The following PAK4 variants were observed in gnomAD, a reference collection of about 807,000 sequenced individuals.
The protein encoded by PAK4 is p21 (RAC1) activated kinase 4.
In PAK4, 49 loss-of-function variants were observed where a neutral mutation model predicts 53.5. The observed-to-expected ratio is 0.92, with a 90% confidence interval of 0.73 to 1.16. The LOEUF (loss-of-function observed/expected upper bound fraction) is 1.16, where lower values mean the gene tolerates loss of function less well. Among genes scored for constraint, PAK4 ranks in the 50% most tolerant of loss-of-function variants. The pLI is 0.00. For synonymous variants in PAK4, 376 were observed against 375.6 expected (o/e 1.00, Z -0.01); for missense variants, 824 against 850.7 (o/e 0.97, Z 0.39).
At chr19:39,129,046 G>A (rs369438601) in intron 1 of PAK4, among the ~76,000 whole-genome samples, 160 of 152,266 alleles carry the variant, frequency 1.1e-3, no homozygotes, top group African/African-American at 3.8e-3. Flanking sequence ...CCATAAACAT[G>A]CCTTTCTGCA....
intron 1 of PAK4, among the ~76,000 whole-genome samples, chr19:39,138,484 A>G (rs959976979): frequency 6.6e-6 from 1 of 152,128 alleles, no homozygotes; most frequent in Admixed American, 6.5e-5. Flanking sequence ...ATGTCTCTCC[A>G]TTTGTTTATG....
rs2074552007 is a variant in PAK4, at chr19:39,174,083, T to TCCTCTCC, written c.1098+75_1098+81dup. On this transcript the variant is annotated intron_variant, in intron 4 of 8. Transcript: ENST00000358301. ...CTCCCACCCTCCCTCCCCTCCTCCC[T>TCCTCTCC]CCTCTCCCTGCACTCCTCCGTGCTG... The TCCTCTCC allele has an allele frequency of 4.9e-6, 4 of 817,774 alleles. No individual in the cohort carries two copies. The African/African-American group carries it at 1.1e-4, about 22-fold the overall frequency. 50.7% of individuals were successfully genotyped at this position (817,774 alleles called of 1,614,324 possible).
intron 1 of PAK4, among the ~76,000 whole-genome samples, chr19:39,148,076 C>T (rs576388871): frequency 1.3e-5 from 2 of 151,394 alleles, no homozygotes; most frequent in Non-Finnish European, 2.9e-5. Flanking sequence ...CTCAGCCTCC[C>T]GAGTAGCTGG....
intron 1 of PAK4, among the ~76,000 whole-genome samples, chr19:39,129,358 G>A (rs960297425): frequency 4.6e-5 from 7 of 152,032 alleles, no homozygotes; most frequent in Admixed American, 2.6e-4. Flanking sequence ...GAGGTGGTCC[G>A]TTGGAGCTAT....
chr19:39,136,755 T>TTGACTGAC (rs111308126), intron 1 of PAK4, among the ~76,000 whole-genome samples: 2 of 152,174 alleles, frequency 1.3e-5, no homozygotes, highest in Admixed American at 6.5e-5. Flanking sequence ...TAAATGCTGG[T>TTGACTGAC]TGACTGACTG....
intron 1 of PAK4, among the ~76,000 whole-genome samples, chr19:39,142,227 G>A (rs1333024074): frequency 1.3e-5 from 2 of 152,042 alleles, no homozygotes; most frequent in African/African-American, 2.4e-5. Flanking sequence ...TGCAGTCTGG[G>A]GCCAGCTGAT....
Position 39,176,583 on chromosome 19 carries a change from G to T in PAK4, c.1360-7G>T, listed in dbSNP as rs1450956743. 1 of 1,613,672 alleles carries T rather than the reference G, an allele frequency of 6.2e-7. No homozygotes were observed. Among genetic ancestry groups the T allele is most frequent in the Admixed American group, 1.7e-5 (1 of 60,026 alleles). ...CCTCTGACCCCACTGCCTCTGCCCTGTCCCAGGTGAAGCTGTCAGACTTTG... is the reference window on the plus strand; with the variant it reads ...CCTCTGACCCCACTGCCTCTGCCCTTTCCCAGGTGAAGCTGTCAGACTTTG... On this transcript the variant is annotated splice_polypyrimidine_tract_variant and splice_region_variant and intron_variant, in intron 6 of 8. Transcript: ENST00000358301.
chr19:39,155,679 G>C (rs2074167938), intron 1 of PAK4, among the ~76,000 whole-genome samples: 1 of 152,136 alleles, frequency 6.6e-6, no homozygotes, highest in African/African-American at 2.4e-5. Flanking sequence ...CGGGGGTTCT[G>C]ATCACATCAG....
intron 1 of PAK4, among the ~76,000 whole-genome samples, chr19:39,164,039 G>A (rs941178780): frequency 7.9e-5 from 12 of 152,200 alleles, no homozygotes; most frequent in Non-Finnish European, 1.6e-4. Flanking sequence ...CACTTTGGGA[G>A]GCTGAGGCAG....
intron 1 of PAK4, among the ~76,000 whole-genome samples, chr19:39,162,705 C>A (rs1487241376): frequency 6.6e-6 from 1 of 152,224 alleles, no homozygotes; most frequent in African/African-American, 2.4e-5. Flanking sequence ...CTGCCTCCTT[C>A]CTTCTAGAAT....
At position 39,155,174 on chromosome 19, in the gene PAK4, G is replaced by A. The variant is rs115979411; in HGVS notation, c.-22-14358G>A. Among the ~76,000 whole-genome samples, 743 of 152,304 alleles carry A rather than the reference G, an allele frequency of 4.9e-3. 6 individuals carry two copies. Among genetic ancestry groups the A allele is most frequent in the African/African-American group, 0.016 (682 of 41,568 alleles). On this transcript the variant is annotated intron_variant, in intron 1 of 8. Transcript: ENST00000358301. Reference sequence around the variant, plus strand: ...CCATCCTGGGTCCGGGCACCCAGCAGCCTTGGTCCCTACCGCCTACCAGAC... The same window carrying A: ...CCATCCTGGGTCCGGGCACCCAGCAACCTTGGTCCCTACCGCCTACCAGAC...
At chr19:39,159,009 G>T (rs2074240365) in intron 1 of PAK4, among the ~76,000 whole-genome samples, 1 of 152,220 alleles carries the variant, frequency 6.6e-6, no homozygotes, top group African/African-American at 2.4e-5. Flanking sequence ...CTCGGCACCA[G>T]TCACTGTTGT....
Position 39,178,441 on chromosome 19 carries a change from G to A in PAK4, c.1638G>A (p.Lys546=). 1.3e-6 allele frequency: 2 copies of A among 1,592,278 alleles called. No homozygotes were observed. Among genetic ancestry groups the A allele is most frequent in the Non-Finnish European group, 1.7e-6 (2 of 1,170,398 alleles). The change falls in exon 9 of 9, where the codon AAG becomes AAA. Residue 546 remains lysine, a synonymous_variant. Coordinates refer to ENST00000358301, the Ensembl canonical transcript of PAK4. The surrounding 1 kb of genome is among the most constrained non-coding windows in gnomAD (Gnocchi z 4.4). The stretch of plus-strand genomic sequence containing the variant: ...CTCGACAGGTGTCGCCATCCCTGAA[G>A]GGCTTCCTGGACCGCCTGCTGGTGC...
intron 1 of PAK4, among the ~76,000 whole-genome samples, chr19:39,160,734 G>C (rs2074270868): frequency 6.6e-6 from 1 of 152,246 alleles, no homozygotes. Context: ...ATCAGTGTTT[G>C]AGCCAAAGTG....
At chr19:39,181,684 G>A (rs1408148218), downstream of PAK4, 1 of 152,324 alleles carries the variant, frequency 6.6e-6, no homozygotes, top group Non-Finnish European at 1.5e-5. Context: ...GCCTGGAGCG[G>A]AACAGGGGAG....
At chr19:39,154,431 A>G (rs1012049973) in intron 1 of PAK4, among the ~76,000 whole-genome samples, 4 of 152,214 alleles carry the variant, frequency 2.6e-5, no homozygotes, top group Non-Finnish European at 5.9e-5. Context: ...TCTCTCAGAA[A>G]GGAAAAGAAA....
chr19:39,156,037 C>T (rs1318696215), intron 1 of PAK4, among the ~76,000 whole-genome samples: 1 of 152,174 alleles, frequency 6.6e-6, no homozygotes, highest in Non-Finnish European at 1.5e-5. Flanking sequence ...CTGCCATCCA[C>T]ACCTCCCGGC....
intron 1 of PAK4, among the ~76,000 whole-genome samples, chr19:39,164,869 T>TGTG (rs772193792): frequency 2.0e-5 from 3 of 152,028 alleles, no homozygotes; most frequent in African/African-American, 7.2e-5. Context: ...ATGGGTCCCT[T>TGTG]GTGGTGGTGG....
intron 1 of PAK4, among the ~76,000 whole-genome samples, chr19:39,167,108 A>G (rs1417660540): frequency 6.6e-6 from 1 of 152,172 alleles, no homozygotes; most frequent in Non-Finnish European, 1.5e-5. Flanking sequence ...CCCCGTCCCC[A>G]GGTGTCCCCC....
Sources: allele counts gnomAD v4.1 joint callset (sites outside exome capture counted in the v4.1 genomes callset), GRCh38; gene constraint gnomAD v4.1.1; non-coding constraint Gnocchi (gnomAD v3.1); transcripts MANE v1.5; gene names NCBI Gene and HGNC (gene_info 2026-07-23, HGNC 2026-07-21).